The following MYO10 variants were observed in gnomAD, a reference collection of about 807,000 sequenced individuals.
The protein encoded by MYO10 is myosin X.
In MYO10, 133 loss-of-function variants were observed where a neutral mutation model predicts 257.3. That is an observed-to-expected ratio of 0.52 (90% CI 0.45 to 0.60). The LOEUF (loss-of-function observed/expected upper bound fraction) is 0.60, where lower values mean the gene tolerates loss of function less well. Ranked by LOEUF, MYO10 falls within the 20% of genes least tolerant of loss-of-function variation. The pLI is 0.00. For missense variants in MYO10, 2,399 were observed against 2,635.7 expected, an observed-to-expected ratio of 0.91 and a Z score of 1.97; for synonymous variants, 1,104 against 1,028.6, an observed-to-expected ratio of 1.07 and a Z score of -1.40.
intron 19 of MYO10, among the ~76,000 whole-genome samples, chr5:16,729,213 T>C (rs1739484972): frequency 6.6e-6 from 1 of 152,202 alleles, no homozygotes; most frequent in Admixed American, 6.5e-5. Context: ...TTCTGTAATT[T>C]TGCATGACGT....
At chr5:16,675,889 T>A in intron 34 of MYO10, 142 bp downstream of exon 34, 1 of 1,022,286 alleles carries the variant, frequency 9.8e-7, no homozygotes, top group Non-Finnish European at 1.4e-6. Context: ...TGAATCTAAG[T>A]ATATTTCATC....
chr5:16,668,232 T>C (rs774855764), intron 40 of MYO10, 45 bp downstream of exon 40: 1 of 1,544,546 alleles, frequency 6.5e-7, no homozygotes, highest in Non-Finnish European at 8.7e-7. Flanking sequence ...TTTTTCTGTT[T>C]TGTCAAGACC....
intron 2 of MYO10, among the ~76,000 whole-genome samples, chr5:16,859,726 G>A (rs984309069): frequency 2.0e-5 from 3 of 152,142 alleles, no homozygotes; most frequent in Admixed American, 1.3e-4. Flanking sequence ...CAGCCTGGGT[G>A]ACAGGGTGAC....
chr5:16,728,881 G>C (rs1739471435), intron 19 of MYO10, among the ~76,000 whole-genome samples: 1 of 152,230 alleles, frequency 6.6e-6, no homozygotes. Context: ...AACTCTTACA[G>C]CGATCTGATG....
At chr5:16,892,912 C>G (rs1183714303) in intron 1 of MYO10, among the ~76,000 whole-genome samples, 1 of 151,720 alleles carries the variant, frequency 6.6e-6, no homozygotes, top group African/African-American at 2.4e-5. Context: ...AAAGAACTTA[C>G]AGGCCAGGCA....
chr5:16,804,398 G>C (rs1025003500), intron 3 of MYO10, among the ~76,000 whole-genome samples: 2 of 152,078 alleles, frequency 1.3e-5, no homozygotes, highest in Non-Finnish European at 2.9e-5. Context: ...AAGTATTTTC[G>C]TAACAGGTCA....
chr5:16,826,711 G>A (rs759462891), intron 2 of MYO10, among the ~76,000 whole-genome samples: 4 of 152,166 alleles, frequency 2.6e-5, no homozygotes, highest in Admixed American at 1.3e-4. Context: ...CCCTTTGCAC[G>A]AAGTTGGCTG....
At chr5:16,746,109 T>C (rs1437028757) in intron 19 of MYO10, among the ~76,000 whole-genome samples, 1 of 152,236 alleles carries the variant, frequency 6.6e-6, no homozygotes, top group Non-Finnish European at 1.5e-5. Flanking sequence ...TATTTCTTGA[T>C]GATATGCTAA....
chr5:16,925,043 G>C (rs1746093571), intron 1 of MYO10, among the ~76,000 whole-genome samples: 1 of 152,052 alleles, frequency 6.6e-6, no homozygotes, highest in Non-Finnish European at 1.5e-5. Context: ...GTGTTAGTCA[G>C]GATGGTCTCG....
intron 2 of MYO10, among the ~76,000 whole-genome samples, chr5:16,848,727 T>G (rs1180735917): frequency 6.6e-6 from 1 of 151,130 alleles, no homozygotes; most frequent in Non-Finnish European, 1.5e-5. Flanking sequence ...AAGAGGCTAG[T>G]TTGTCTACAG....
chr5:16,734,730 G>A (rs531316055), intron 19 of MYO10, among the ~76,000 whole-genome samples: 17 of 151,944 alleles, frequency 1.1e-4, no homozygotes, highest in Non-Finnish European at 1.6e-4. Context: ...ACTTGAACCC[G>A]GGAGGCGGAG....
Position 16,748,465 on chromosome 5 carries a change from G to A in MYO10, c.1929+6363C>T, listed in dbSNP as rs932278601. Among the ~76,000 whole-genome samples the A allele has an allele frequency of 2.0e-5, 3 of 151,774 alleles. No homozygotes were observed. In the South Asian group the frequency reaches 6.3e-4, roughly 32 times the overall value. ...TCACCACGTTGGCCAGGCTGGTCTCGAACTCCTGGCCTCAAGTGATCCGCG... is the reference window on the plus strand; with the variant it reads ...TCACCACGTTGGCCAGGCTGGTCTCAAACTCCTGGCCTCAAGTGATCCGCG... On this transcript the variant is annotated intron_variant, in intron 19 of 40. Coordinates refer to ENST00000513610, the MANE Select transcript of MYO10 (RefSeq NM_012334.3).
In MYO10 at chr5:16,699,996, T is replaced by C. The variant is rs368025084; in HGVS notation, c.3433-423A>G. On this transcript the variant is annotated intron_variant, in intron 25 of 40. Transcript: ENST00000513610. ...AAACTAACAATGCTTTTTAAGGCTA[T>C]AATTTTAATCAAACCATGCAAGAGT... Among the ~76,000 whole-genome samples, 16 of 152,336 alleles carry C rather than the reference T, an allele frequency of 1.1e-4. No individual in the cohort carries two copies. The South Asian group carries it at 3.3e-3, about 32-fold the overall frequency.
At chr5:16,680,804 GC>G (rs1481757453) in intron 32 of MYO10, among the ~76,000 whole-genome samples, 1 of 152,126 alleles carries the variant, frequency 6.6e-6, no homozygotes, top group Non-Finnish European at 1.5e-5. Flanking sequence ...AAACAGCCTG[GC>G]CCACATGGCA....
At chr5:16,724,378 G>GC (rs899098493) in intron 19 of MYO10, among the ~76,000 whole-genome samples, 2 of 152,096 alleles carry the variant, frequency 1.3e-5, no homozygotes, top group African/African-American at 4.8e-5. Context: ...CGAGAATTTT[G>GC]CAAGAAAACC....
In MYO10 at chr5:16,673,709, G is replaced by A. The variant is rs1736580887; in HGVS notation, c.5145C>T (p.Thr1715=). ...CCCCAGCGGTGGTGTGGGAGTTGATGGTGATCTTGCAGGAGCCGCCGCCAT... is the reference window on the plus strand; with the variant it reads ...CCCCAGCGGTGGTGTGGGAGTTGATAGTGATCTTGCAGGAGCCGCCGCCAT... The part of the protein sequence containing the change: ...YCHGGGSCKI[T]INSHTTAGEV... Residue 1715 remains threonine, a synonymous_variant, in exon 36 of 41, where the codon ACC becomes ACT. Transcript: ENST00000513610. 34 of 1,613,714 alleles carry A rather than the reference G, an allele frequency of 2.1e-5. No homozygotes were observed. The highest frequency in any genetic ancestry group is 2.7e-5 in the Non-Finnish European group (32 of 1,179,856).
At chr5:16,692,421 A>AAAAAAT (rs1199404124) in intron 27 of MYO10, among the ~76,000 whole-genome samples, 1 of 152,200 alleles carries the variant, frequency 6.6e-6, no homozygotes, top group Admixed American at 6.5e-5. Flanking sequence ...CTTGGTCTCA[A>AAAAAAT]AAAAATAAAA....
At chr5:16,698,686 C>T (rs995382778) in intron 26 of MYO10, among the ~76,000 whole-genome samples, 2 of 136,718 alleles carry the variant, frequency 1.5e-5, no homozygotes, top group African/African-American at 3.3e-5. Flanking sequence ...TGCAGTGGCG[C>T]GATCTCGGCT....
chr5:16,886,355 A>G (rs535845500), intron 1 of MYO10, among the ~76,000 whole-genome samples: 4 of 152,302 alleles, frequency 2.6e-5, no homozygotes, highest in Admixed American at 1.3e-4. Flanking sequence ...GAACAATTAT[A>G]GACGTTTGTT....
Sources: gnomAD v4.1 joint callset for allele counts (sites outside exome capture counted in the v4.1 genomes callset) on GRCh38, gnomAD v4.1.1 for gene constraint, MANE v1.5 for transcripts, NCBI Gene and HGNC (gene_info 2026-07-23, HGNC 2026-07-21) for gene names.